The following CCDC85A variants were observed in gnomAD, a reference collection of about 807,000 sequenced individuals.
The protein encoded by CCDC85A is coiled-coil domain containing 85A.
CCDC85A carries 38 observed loss-of-function variants against 50.2 expected under a neutral mutation model. That is an observed-to-expected ratio of 0.76 (90% CI 0.58 to 0.99). CCDC85A has a LOEUF of 0.99. Among genes scored for constraint, CCDC85A ranks in the 50% least tolerant of loss-of-function variants. The pLI, the probability that CCDC85A is intolerant of heterozygous loss-of-function variation, is 0.00. For missense variants in CCDC85A, 820 were observed against 742.0 expected (o/e 1.11, Z -1.22); for synonymous variants, 366 against 301.4 (o/e 1.21, Z -2.22).
At chr2:56,364,653 A>G (rs1675699706) in intron 3 of CCDC85A, among the ~76,000 whole-genome samples, 1 of 152,084 alleles carries the variant, frequency 6.6e-6, no homozygotes, top group African/African-American at 2.4e-5. Context: ...TTCCCCCGGT[A>G]TTTTCTATGC....
At chr2:56,188,555 A>G (rs1457181996) in intron 1 of CCDC85A, among the ~76,000 whole-genome samples, 2 of 152,278 alleles carry the variant, frequency 1.3e-5, no homozygotes, top group Non-Finnish European at 2.9e-5. Flanking sequence ...GAAAGAGAAC[A>G]TGACTTGAGC....
chr2:56,349,393 T>A (rs1674792612), intron 3 of CCDC85A, among the ~76,000 whole-genome samples: 1 of 152,130 alleles, frequency 6.6e-6, no homozygotes, highest in South Asian at 2.1e-4. Flanking sequence ...ATAAAAGAGA[T>A]AATTAGATAT....
chr2:56,350,915 A>T (rs1336663256), intron 3 of CCDC85A, among the ~76,000 whole-genome samples: 3 of 149,052 alleles, frequency 2.0e-5, no homozygotes, highest in South Asian at 4.3e-4. Flanking sequence ...GGTTAGTTAC[A>T]TATGTATACA....
chr2:56,211,655 G>T (rs1306514573), intron 2 of CCDC85A, among the ~76,000 whole-genome samples: 1 of 151,842 alleles, frequency 6.6e-6, no homozygotes, highest in Non-Finnish European at 1.5e-5. Flanking sequence ...TTCCCTGGTT[G>T]GAATACTGCA....
intron 4 of CCDC85A, 126 bp downstream of exon 4, chr2:56,372,604 T>G: frequency 8.9e-7 from 1 of 1,122,122 alleles, no homozygotes; most frequent in Non-Finnish European, 1.2e-6. Context: ...GTTGTATGTC[T>G]AAGTCTGGGG....
At chr2:56,336,113 A>G (rs991592326) in intron 2 of CCDC85A, among the ~76,000 whole-genome samples, 4 of 152,210 alleles carry the variant, frequency 2.6e-5, no homozygotes, top group African/African-American at 7.2e-5. Flanking sequence ...TGGCCACTAT[A>G]GTCTTCCAGA....
chr2:56,201,258 C>G (rs1381291623), intron 2 of CCDC85A, among the ~76,000 whole-genome samples: 1 of 152,068 alleles, frequency 6.6e-6, no homozygotes, highest in Admixed American at 6.6e-5. Context: ...GAAAGTAAGT[C>G]CTTTAAAAAT....
At chr2:56,253,249 A>G (rs1242303466) in intron 2 of CCDC85A, among the ~76,000 whole-genome samples, 1 of 152,196 alleles carries the variant, frequency 6.6e-6, no homozygotes, top group Non-Finnish European at 1.5e-5. Context: ...TTCTAACACC[A>G]TAAGCTGCTT....
At chr2:56,325,578 A>G (rs1673425131) in intron 2 of CCDC85A, among the ~76,000 whole-genome samples, 1 of 152,126 alleles carries the variant, frequency 6.6e-6, no homozygotes, top group Non-Finnish European at 1.5e-5. Flanking sequence ...AACAGAGTGA[A>G]CATTTCCTTG....
intron 3 of CCDC85A, among the ~76,000 whole-genome samples, chr2:56,369,430 C>G (rs1454818337): frequency 2.0e-5 from 3 of 151,854 alleles, no homozygotes; most frequent in Non-Finnish European, 4.4e-5. Context: ...AATTTTATAC[C>G]CTGTTGAAGT....
At chr2:56,308,554 T>C (rs567298248) in intron 2 of CCDC85A, among the ~76,000 whole-genome samples, 7 of 152,270 alleles carry the variant, frequency 4.6e-5, no homozygotes, top group African/African-American at 1.7e-4. Flanking sequence ...ACAACACAAT[T>C]TCTATGAACT....
At chr2:56,235,291 A>G (rs1488537165) in intron 2 of CCDC85A, 1 of 152,180 alleles carries the variant, frequency 6.6e-6, no homozygotes, top group Non-Finnish European at 1.5e-5. Flanking sequence ...TTCCAAGATC[A>G]GAGGAGATCT....
At chr2:56,228,685 C>A (rs1189204657) in intron 2 of CCDC85A, among the ~76,000 whole-genome samples, 1 of 151,894 alleles carries the variant, frequency 6.6e-6, no homozygotes, top group Admixed American at 6.6e-5. Flanking sequence ...GGGGCCCACC[C>A]CCATGCCTGG....
intron 2 of CCDC85A, among the ~76,000 whole-genome samples, chr2:56,312,264 C>G (rs1233400151): frequency 1.3e-5 from 2 of 152,002 alleles, no homozygotes; most frequent in Non-Finnish European, 2.9e-5. Flanking sequence ...CCTGTTTGCA[C>G]TCTAAATTTA....
At chr2:56,246,402 C>A (rs987927931) in intron 2 of CCDC85A, among the ~76,000 whole-genome samples, 1 of 151,458 alleles carries the variant, frequency 6.6e-6, no homozygotes, top group African/African-American at 2.4e-5. Context: ...TTTTTATTTG[C>A]TTATGCTTTT....
chr2:56,350,035 A>C (rs959447102), intron 3 of CCDC85A, among the ~76,000 whole-genome samples: 11 of 151,608 alleles, frequency 7.3e-5, no homozygotes, highest in African/African-American at 2.4e-4. Context: ...TTATAAGAGA[A>C]GCTAATGTTG....
chr2:56,339,519 C>A (rs1345904208), intron 2 of CCDC85A, among the ~76,000 whole-genome samples: 1 of 152,198 alleles, frequency 6.6e-6, no homozygotes, highest in Non-Finnish European at 1.5e-5. Flanking sequence ...AAGACAGTCA[C>A]TGAATTAAAA....
chr2:56,385,171 C>A lies in CCDC85A; in HGVS notation c.*816C>A, dbSNP rs1311813050. The A allele has an allele frequency of 6.6e-6, 1 of 152,092 alleles. No homozygotes were observed. Among genetic ancestry groups the A allele is most frequent in the Non-Finnish European group, 1.5e-5 (1 of 67,828 alleles). 9.4% of individuals were successfully genotyped at this position (152,092 alleles called of 1,614,324 possible). ...AACAATTTCAACTAAAAACAACAAA[C>A]ATAATTTTTCTAAGTGTTTCGAGCT... On this transcript the variant is annotated 3_prime_UTR_variant, in exon 6 of 6. Coordinates refer to ENST00000407595, the MANE Select transcript of CCDC85A (RefSeq NM_001080433.2).
At chr2:56,202,364 C>T (rs1385994200) in intron 2 of CCDC85A, among the ~76,000 whole-genome samples, 2 of 152,170 alleles carry the variant, frequency 1.3e-5, no homozygotes, top group African/African-American at 4.8e-5. Context: ...AGTTCAACAA[C>T]CTTAGTATCC....
Sources: gnomAD v4.1 joint callset for allele counts (sites outside exome capture counted in the v4.1 genomes callset) on GRCh38, gnomAD v4.1.1 for gene constraint, MANE v1.5 for transcripts, NCBI Gene and HGNC (gene_info 2026-07-23, HGNC 2026-07-21) for gene names.